Variants in DMBT1 observed in about 807,000 individuals in gnomAD.
DMBT1 encodes scavenger receptor cysteine-rich domain-containing protein DMBT1.
A neutral mutation model predicts 252.9 loss-of-function variants in DMBT1; 198 were observed. That is an observed-to-expected ratio of 0.78 (90% CI 0.70 to 0.88). The LOEUF (loss-of-function observed/expected upper bound fraction) is 0.88. Ranked by LOEUF, DMBT1 falls within the 40% of genes least tolerant of loss-of-function variation. DMBT1 has a pLI of 0.00. For missense variants in DMBT1, 2,432 were observed against 2,404.7 expected (o/e 1.01, Z -0.24); for synonymous variants, 990 against 942.7 (o/e 1.05, Z -0.92).
intron 5 of DMBT1, among the ~76,000 whole-genome samples, chr10:122,573,112 A>C (rs111704559): frequency 0.057 from 8,609 of 152,168 alleles, 759 homozygotes; most frequent in African/African-American, 0.19. Context: ...TTTCTGGTTA[A>C]ACTGTCTACT....
chr10:122,640,232 T>C lies in DMBT1; in HGVS notation c.7135T>C (p.Tyr2379His). 6.2e-7 allele frequency: 1 copy of C among 1,614,034 alleles called. No individual in the cohort carries two copies. Among genetic ancestry groups the C allele is most frequent in the Non-Finnish European group, 8.5e-7 (1 of 1,179,894 alleles). ...NNTIQVEEVQ[Y>H]GNFDVNISFY... Reference sequence around the variant, plus strand: ...CACCATCCAGGTCGAGGAAGTCCAGTATGGCAATTTTGACGTGAACATTTC... The same window carrying C: ...CACCATCCAGGTCGAGGAAGTCCAGCATGGCAATTTTGACGTGAACATTTC... Residue 2379 changes from tyrosine to histidine, a missense_variant, in exon 55 of 56, where the codon TAT (tyrosine) becomes CAT (histidine). Tyr to His is a moderately conservative substitution (Grantham distance 83). Transcript: ENST00000338354.
intron 54 of DMBT1, among the ~76,000 whole-genome samples, chr10:122,639,536 G>C (rs1271431238): frequency 6.6e-6 from 1 of 152,128 alleles, no homozygotes; most frequent in African/African-American, 2.4e-5. Context: ...GAGCTTCTGA[G>C]CCAGGAGAAG....
chr10:122,630,855 A>G, intron 48 of DMBT1, 106 bp from the exon 49 acceptor site: 1 of 1,265,778 alleles, frequency 7.9e-7, no homozygotes, highest in East Asian at 2.4e-5. Flanking sequence ...CTATTTGGCG[A>G]CTTTAGAGGT....
chr10:122,592,723 GCT>G, intron 20 of DMBT1, 128 bp downstream of exon 20: 1 of 1,462,578 alleles, frequency 6.8e-7, no homozygotes, highest in African/African-American at 1.4e-5. Context: ...AGTCTTGTTA[GCT>G]CTCTGCTAAG....
intron 2 of DMBT1, among the ~76,000 whole-genome samples, chr10:122,568,696 G>A (rs766048449): frequency 1.2e-4 from 19 of 152,212 alleles, no homozygotes; most frequent in Admixed American, 1.1e-3. Context: ...CAGCTGGGAC[G>A]CCCAGGATGC....
In DMBT1 at chr10:122,587,225, G is replaced by A. The variant is rs551640844; in HGVS notation, c.1783+842G>A. Among the ~76,000 whole-genome samples, 6 of 148,686 alleles carry A rather than the reference G, an allele frequency of 4.0e-5. No individual in the cohort carries two copies. In the South Asian group the frequency reaches 1.4e-3, roughly 34 times the overall value. The stretch of plus-strand genomic sequence containing the variant: ...TGGATGCAGCACATATAGGCATTGA[G>A]GGAGGGACGGTCTGACTGGGAGGAT... On this transcript the variant is annotated intron_variant, in intron 16 of 55. Transcript: ENST00000338354.
At chr10:122,572,257 C>A in intron 4 of DMBT1, 57 bp from the exon 5 acceptor site, 5 of 1,607,876 alleles carry the variant, frequency 3.1e-6, no homozygotes, top group Non-Finnish European at 4.3e-6. Flanking sequence ...AGCCATGGAC[C>A]AACCCTCTTC....
intron 54 of DMBT1, among the ~76,000 whole-genome samples, chr10:122,638,306 C>G (rs1157240722): frequency 2.0e-5 from 3 of 152,212 alleles, no homozygotes; most frequent in Non-Finnish European, 4.4e-5. Context: ...CACACCCATT[C>G]ACACTCGTTC....
chr10:122,643,619 GC>G lies in DMBT1; in HGVS notation c.*224del. The G allele has an allele frequency of 1.6e-6, 1 of 626,246 alleles. No homozygotes were observed. Among genetic ancestry groups the G allele is most frequent in the South Asian group, 2.1e-5 (1 of 47,340 alleles). 38.8% of individuals were successfully genotyped at this position (626,246 alleles called of 1,614,324 possible). The stretch of plus-strand genomic sequence containing the variant: ...GGTCAAGAGAGTTCTGACCTGGATG[GC>G]CCATAGACCTGACGTCCCAGAATCC... On this transcript the variant is annotated 3_prime_UTR_variant, in exon 56 of 56. Transcript: ENST00000338354.
In DMBT1 at chr10:122,631,224, C is replaced by T. The variant is rs1265509713; in HGVS notation, c.6289C>T (p.Arg2097Ter). The T allele has an allele frequency of 1.9e-6, 3 of 1,613,996 alleles. No homozygotes were observed. Among genetic ancestry groups the T allele is most frequent in the African/African-American group, 1.3e-5 (1 of 75,038 alleles). Residue 2097 changes from arginine (R) to a stop codon, truncating the protein, a stop_gained, in exon 49 of 56, where the codon CGA becomes TGA. Transcript: ENST00000338354. LOFTEE classifies it high-confidence loss of function. ...TESTLWQCRNRGWFSHNCNHR... is the reference protein window; with the variant it reads ...TESTLWQCRN Reference sequence around the variant, plus strand: ...ATCCACTCTCTGGCAGTGCCGGAACCGAGGCTGGTTCTCCCACAACTGTAA... The same window carrying T: ...ATCCACTCTCTGGCAGTGCCGGAACTGAGGCTGGTTCTCCCACAACTGTAA...
intron 46 of DMBT1, among the ~76,000 whole-genome samples, chr10:122,627,279 G>T (rs1299213864): frequency 6.6e-6 from 1 of 151,996 alleles, no homozygotes; most frequent in African/African-American, 2.4e-5. Context: ...ATGAATGAAT[G>T]GATAAATTAA....
chr10:122,574,264 C>A (rs1179837293), intron 6 of DMBT1, among the ~76,000 whole-genome samples: 4 of 152,226 alleles, frequency 2.6e-5, no homozygotes, highest in African/African-American at 4.8e-5. Context: ...AGCTCATGTA[C>A]TTCCCCCTTG....
At chr10:122,628,144 A>T (rs1036248299) in intron 46 of DMBT1, among the ~76,000 whole-genome samples, 2 of 152,248 alleles carry the variant, frequency 1.3e-5, no homozygotes, top group African/African-American at 4.8e-5. Flanking sequence ...GAGTCACCAT[A>T]TGACCCAGCA....
chr10:122,573,811 C>A (rs376363880), intron 6 of DMBT1, 49 bp downstream of exon 6: 1 of 1,597,206 alleles, frequency 6.3e-7, no homozygotes, highest in East Asian at 2.2e-5. Flanking sequence ...CCCCCTGCAC[C>A]CCTAGGTTAA....
chr10:122,626,058 C>G (rs2098116972), intron 46 of DMBT1, 93 bp downstream of exon 46: 3 of 1,045,442 alleles, frequency 2.9e-6, no homozygotes, highest in Non-Finnish European at 4.5e-6. Flanking sequence ...CCCACCCCAG[C>G]CTTCCTCAAT....
At chr10:122,573,518 G>A (rs182912713) in intron 5 of DMBT1, among the ~76,000 whole-genome samples, 197 bp from the exon 6 acceptor site, 14 of 152,302 alleles carry the variant, frequency 9.2e-5, no homozygotes, top group African/African-American at 2.9e-4. Context: ...AAGAGTAAAG[G>A]ATGCTCATGT....
At chr10:122,578,887 C>T in intron 9 of DMBT1, 128 bp downstream of exon 9, 1 of 913,478 alleles carries the variant, frequency 1.1e-6, no homozygotes, top group South Asian at 1.5e-5. Flanking sequence ...AGGGTGGCAG[C>T]AGGTGATAAA....
Position 122,617,333 on chromosome 10 carries a change from G to A in DMBT1, c.4891+73G>A, listed in dbSNP as rs557247245. On this transcript the variant is annotated intron_variant, in intron 40 of 55. Transcript: ENST00000338354. ...ATTTTGTGTTTGAAACTGATAGGAT[G>A]AGGCTCAAGGTGGGCCCCTCTCTTT... 40 of 1,536,184 alleles carry A rather than the reference G, an allele frequency of 2.6e-5. No individual in the cohort carries two copies. The South Asian group carries it at 4.5e-4, about 17-fold the overall frequency.
At position 122,587,081 on chromosome 10, in the gene DMBT1, C is replaced by G. The variant is rs560315602; in HGVS notation, c.1783+698C>G. On this transcript the variant is annotated intron_variant, in intron 16 of 55. Transcript: ENST00000338354. ...AGACATGGCACATCAAGCCTCACCT[C>G]TATACTTGGGGATCCAATCCCAACA... 2.0e-5 allele frequency among the ~76,000 whole-genome samples: 3 copies of G among 148,512 alleles called. No homozygotes were observed. The East Asian group carries it at 6.3e-4, about 31-fold the overall frequency.
Sources: allele counts gnomAD v4.1 joint callset (sites outside exome capture counted in the v4.1 genomes callset), GRCh38; gene constraint gnomAD v4.1.1; transcripts MANE v1.5; gene names NCBI Gene and HGNC (gene_info 2026-07-23, HGNC 2026-07-21).